NALCN: variants seen among roughly 807,000 people sequenced by gnomAD.
NALCN encodes the protein sodium leak channel, non-selective, also known as sodium leak channel NALCN.
Under a neutral mutation model 225.3 loss-of-function variants are expected in NALCN, and 111 were observed. The observed-to-expected ratio is 0.49, with a 90% CI of 0.42 to 0.58. NALCN has a LOEUF of 0.58. Ranked by LOEUF, NALCN falls within the 20% of genes least tolerant of loss-of-function variation. NALCN has a pLI of 0.00. For synonymous variants in NALCN, 764 were observed against 769.0 expected (o/e 0.99, Z 0.11); for missense variants, 1,378 against 2,202.4 (o/e 0.63, Z 7.49).
intron 3 of NALCN, among the ~76,000 whole-genome samples, chr13:101,386,149 T>A (rs2046980552): frequency 6.6e-6 from 1 of 152,236 alleles, no homozygotes; most frequent in Non-Finnish European, 1.5e-5. Context: ...AAATGCTTTT[T>A]ATTTTGCAGA....
Position 101,247,349 on chromosome 13 carries a change from G to T in NALCN, c.1267-9427C>A, listed in dbSNP as rs188319998. On this transcript the variant is annotated intron_variant, in intron 11 of 43. Coordinates refer to ENST00000251127, the MANE Select transcript of NALCN (RefSeq NM_052867.4). ...GAACTGTGATATCACCCATATCAAG[G>T]GGCTAGCATTCTCCAAATGACACTT... 2.5e-4 allele frequency among the ~76,000 whole-genome samples: 38 copies of T among 152,202 alleles called. 1 individual carries two copies. The highest frequency in any genetic ancestry group is 2.2e-3 in the Admixed American group (34 of 15,294).
At chr13:101,171,162 G>A (rs1190314128) in intron 15 of NALCN, among the ~76,000 whole-genome samples, 3 of 151,516 alleles carry the variant, frequency 2.0e-5, no homozygotes, top group Non-Finnish European at 4.4e-5. Flanking sequence ...TAAATGTCAT[G>A]CAGAAACAAT....
At chr13:101,130,155 T>A (rs1250961860) in intron 17 of NALCN, among the ~76,000 whole-genome samples, 1 of 152,128 alleles carries the variant, frequency 6.6e-6, no homozygotes, top group East Asian at 1.9e-4. Flanking sequence ...TATATCTCCT[T>A]TTTTCTCCAC....
rs183073575 is a variant in NALCN, at chr13:101,276,782, G to A, written c.1134+7151C>T. Among the ~76,000 whole-genome samples the A allele has an allele frequency of 5.8e-4, 88 of 151,990 alleles. No individual in the cohort carries two copies. In the East Asian group the frequency reaches 0.017, roughly 29 times the overall value. Reference sequence around the variant, plus strand: ...CCTAATTCATTGACTATCTCCATAAGCAATATTTGAAAAGAGGAAACAAAT... The same window carrying A: ...CCTAATTCATTGACTATCTCCATAAACAATATTTGAAAAGAGGAAACAAAT... On this transcript the variant is annotated intron_variant, in intron 10 of 43. Coordinates refer to ENST00000251127, the MANE Select transcript of NALCN (RefSeq NM_052867.4).
intron 13 of NALCN, among the ~76,000 whole-genome samples, chr13:101,199,802 T>G (rs2040044100): frequency 6.6e-6 from 1 of 151,502 alleles, no homozygotes; most frequent in East Asian, 1.9e-4. Flanking sequence ...TATAAATAAA[T>G]ATATATATAT....
chr13:101,184,028 T>C (rs1208858579), intron 14 of NALCN, among the ~76,000 whole-genome samples: 1 of 152,244 alleles, frequency 6.6e-6, no homozygotes, highest in African/African-American at 2.4e-5. Context: ...GCATTTGTCC[T>C]ACTGTGTAAT....
chr13:101,067,839 C>G, intron 39 of NALCN, 79 bp downstream of exon 39: 2 of 1,009,394 alleles, frequency 2.0e-6, no homozygotes, highest in Non-Finnish European at 1.5e-6. Context: ...ATTTGCCAAC[C>G]TGAAAACCAT....
chr13:101,108,429 T>C (rs936681295), intron 20 of NALCN, among the ~76,000 whole-genome samples: 10 of 152,226 alleles, frequency 6.6e-5, no homozygotes, highest in African/African-American at 1.9e-4. Flanking sequence ...AAAATAAGTA[T>C]GTAAGAGGAT....
chr13:101,384,098 T>C (rs528372740), intron 3 of NALCN, among the ~76,000 whole-genome samples: 265 of 152,318 alleles, frequency 1.7e-3, no homozygotes, highest in Admixed American at 2.8e-3. Context: ...ATTCCATTTA[T>C]AAGCATGGCC....
intron 3 of NALCN, among the ~76,000 whole-genome samples, chr13:101,380,857 A>AACACACATAC (rs1226235735): frequency 2.4e-4 from 35 of 145,568 alleles, no homozygotes; most frequent in African/African-American, 8.6e-4. Context: ...ATGCCTAGCT[A>AACACACATAC]ACACACACAC....
chr13:101,356,144 G>A (rs2046052157), intron 6 of NALCN, among the ~76,000 whole-genome samples: 1 of 152,016 alleles, frequency 6.6e-6, no homozygotes, highest in Non-Finnish European at 1.5e-5. Context: ...AACTAGAGAA[G>A]CAAGAGCAAA....
chr13:101,201,897 C>A lies in NALCN; in HGVS notation c.1627-9843G>T, dbSNP rs190900603. 7.3e-3 allele frequency among the ~76,000 whole-genome samples: 1,111 copies of A among 152,234 alleles called. 5 individuals are homozygous for A. The highest frequency in any genetic ancestry group is 0.011 in the Admixed American group (173 of 15,280). ...CTTGATGATTTATATAGTAGCTCAA[C>A]CTTTTTATTGAGAGAGTCCCTGTTA... is the stretch of plus-strand genomic sequence containing the variant. On this transcript the variant is annotated intron_variant, in intron 13 of 43. Transcript: ENST00000251127.
At chr13:101,087,877 C>G (rs2034013074) in intron 30 of NALCN, among the ~76,000 whole-genome samples, 1 of 152,158 alleles carries the variant, frequency 6.6e-6, no homozygotes, top group Non-Finnish European at 1.5e-5. Flanking sequence ...GGTGTCTGCT[C>G]AGACGGCTTC....
In NALCN at chr13:101,135,616, A is replaced by G. The variant is rs182627256; in HGVS notation, c.2118+7464T>C. ...ACCATGTTGCCCAGGATGGTCTCGA[A>G]CTCCTGAGCTCAGGTGATCCGCCAG... On this transcript the variant is annotated intron_variant, in intron 17 of 43. Coordinates refer to ENST00000251127, the MANE Select transcript of NALCN (RefSeq NM_052867.4). 3.5e-4 allele frequency among the ~76,000 whole-genome samples: 53 copies of G among 152,124 alleles called. No individual in the cohort carries two copies. The South Asian group carries it at 4.4e-3, about 13-fold the overall frequency.
intron 6 of NALCN, among the ~76,000 whole-genome samples, chr13:101,375,487 A>C (rs1379398278): frequency 2.0e-5 from 3 of 152,202 alleles, no homozygotes; most frequent in Non-Finnish European, 4.4e-5. Flanking sequence ...ATGAAAAAGA[A>C]ATCCTCCAAC....
chr13:101,337,316 ATTTATTTT>A (rs1380471585), intron 7 of NALCN, among the ~76,000 whole-genome samples: 43 of 147,998 alleles, frequency 2.9e-4, no homozygotes, highest in African/African-American at 1.1e-3. Context: ...TTATTTATTT[ATTTATTTT>A]TTGAGACAGA....
chr13:101,293,378 A>T (rs890386272), intron 7 of NALCN, among the ~76,000 whole-genome samples: 4 of 152,220 alleles, frequency 2.6e-5, no homozygotes, highest in Non-Finnish European at 5.9e-5. Flanking sequence ...TAAAATTGAA[A>T]ATAATTGCTC....
At chr13:101,415,208 C>CACATATATATATATATATATATATAT (rs1555349509) in intron 1 of NALCN, among the ~76,000 whole-genome samples, 2 of 107,808 alleles carry the variant, frequency 1.9e-5, no homozygotes, top group East Asian at 2.3e-4. Context: ...AAATCACACA[C>CACATATATATATATATATATATATAT]ATATATATAT....
chr13:101,414,961 A>AAAATCGCCACCT, intron 1 of NALCN, among the ~76,000 whole-genome samples: 1 of 147,540 alleles, frequency 6.8e-6, no homozygotes, highest in African/African-American at 2.7e-5. Context: ...AGTATACTAC[A>AAAATCGCCACCT]GAAGAACGAA....
Sources: gnomAD v4.1 joint callset for allele counts (sites outside exome capture counted in the v4.1 genomes callset) on GRCh38, gnomAD v4.1.1 for gene constraint, MANE v1.5 for transcripts, NCBI Gene and HGNC (gene_info 2026-07-23, HGNC 2026-07-21) for gene names.